Variants in ZNF536 observed in about 807,000 individuals in gnomAD.
The protein encoded by ZNF536 is zinc finger protein 536.
ZNF536 carries 13 observed loss-of-function variants against 84.5 expected under a neutral mutation model. The ratio of observed to expected loss-of-function variants is 0.15; its 90% CI spans 0.10 to 0.24. The LOEUF (loss-of-function observed/expected upper bound fraction) is 0.24, where lower values mean the gene tolerates loss of function less well. Among genes scored for constraint, ZNF536 ranks in the 10% least tolerant of loss-of-function variants. ZNF536 has a pLI of 1.00. For missense variants in ZNF536, 1,536 were observed against 1,747.5 expected, an observed-to-expected ratio of 0.88 and a Z score of 2.16; for synonymous variants, 811 against 742.5, an observed-to-expected ratio of 1.09 and a Z score of -1.50.
intron 1 of ZNF536, among the ~76,000 whole-genome samples, chr19:30,424,314 C>T (rs983160621): frequency 3.3e-5 from 5 of 152,154 alleles, no homozygotes; most frequent in African/African-American, 1.2e-4. Flanking sequence ...CTTTATAATG[C>T]TCACTGTGCA....
chr19:30,589,201 A>G (rs2047196619), intron 1 of ZNF536, among the ~76,000 whole-genome samples: 1 of 152,170 alleles, frequency 6.6e-6, no homozygotes, highest in Non-Finnish European at 1.5e-5. Flanking sequence ...CTGTATTTGC[A>G]TCTGCTCTTT....
chr19:30,418,302 G>A (rs2050817228), intron 1 of ZNF536, among the ~76,000 whole-genome samples: 1 of 152,118 alleles, frequency 6.6e-6, no homozygotes. Context: ...TCACTGTATA[G>A]TTTCTTCTCT....
At chr19:30,313,496 C>T (rs891301441) in intron 2 of ZNF536, among the ~76,000 whole-genome samples, 9 of 152,152 alleles carry the variant, frequency 5.9e-5, no homozygotes, top group Non-Finnish European at 7.4e-5. Context: ...CCACCCACTC[C>T]GCACTCTCCA....
intron 1 of ZNF536, among the ~76,000 whole-genome samples, chr19:30,585,261 G>C (rs1038047928): frequency 6.6e-6 from 1 of 152,162 alleles, no homozygotes; most frequent in African/African-American, 2.4e-5. Flanking sequence ...TCTGTACATG[G>C]ACACTTAAAG....
chr19:30,326,850 G>A (rs928192498), intron 2 of ZNF536, among the ~76,000 whole-genome samples: 1 of 114,584 alleles, frequency 8.7e-6, no homozygotes, highest in Non-Finnish European at 1.6e-5. Flanking sequence ...GCCCATGCCT[G>A]TAATCCCAGT....
chr19:30,426,792 G>T (rs1297513747), intron 1 of ZNF536, among the ~76,000 whole-genome samples: 1 of 152,162 alleles, frequency 6.6e-6, no homozygotes, highest in Non-Finnish European at 1.5e-5. Context: ...GGGCCCGGCA[G>T]GGGGAAGGTA....
intron 1 of ZNF536, among the ~76,000 whole-genome samples, chr19:30,383,307 C>CA (rs1351327005): frequency 5.7e-5 from 6 of 105,904 alleles, no homozygotes; most frequent in East Asian, 2.2e-4. Context: ...AAGAAACAAA[C>CA]AAACAAAAAA....
At chr19:30,441,738 T>C (rs2052059517) in intron 1 of ZNF536, among the ~76,000 whole-genome samples, 1 of 152,254 alleles carries the variant, frequency 6.6e-6, no homozygotes, top group African/African-American at 2.4e-5. Context: ...CTTTACGCTT[T>C]GCACAGTTGT....
intron 2 of ZNF536, among the ~76,000 whole-genome samples, chr19:30,453,362 T>G (rs1255199453): frequency 5.3e-5 from 8 of 152,226 alleles, no homozygotes; most frequent in African/African-American, 1.9e-4. Flanking sequence ...CGGTTCATCC[T>G]CGAGCCAGGT....
intron 1 of ZNF536, among the ~76,000 whole-genome samples, chr19:30,623,145 A>ATCCAT (rs1159258240): frequency 1.3e-5 from 2 of 150,054 alleles, no homozygotes; most frequent in African/African-American, 4.9e-5. Context: ...CCTACCCCAT[A>ATCCAT]TCCATTCCAA....
intron 2 of ZNF536, among the ~76,000 whole-genome samples, chr19:30,515,524 T>A (rs1599654686): frequency 1.3e-5 from 2 of 152,166 alleles, no homozygotes; most frequent in South Asian, 4.2e-4. Context: ...TCCCGTGCTG[T>A]TAGGACAGAG....
At chr19:30,500,353 A>G (rs897006780) in intron 2 of ZNF536, among the ~76,000 whole-genome samples, 1 of 147,310 alleles carries the variant, frequency 6.8e-6, no homozygotes, top group East Asian at 2.0e-4. Flanking sequence ...GCAAGATGCA[A>G]TGGATGGATT....
chr19:30,326,797 T>TTTTTG (rs2047044971), intron 2 of ZNF536, among the ~76,000 whole-genome samples: 1 of 119,938 alleles, frequency 8.3e-6, no homozygotes, highest in African/African-American at 3.6e-5. Flanking sequence ...AAAGCTTTTT[T>TTTTTG]TTTTTTTTTT....
At position 30,341,077 on chromosome 19, in the gene ZNF536, A is replaced by C. The variant is rs561946790; in HGVS notation, c.-119-11291A>C. On this transcript the variant is annotated intron_variant, in intron 2 of 5. Coordinates refer to the ZNF536 transcript ENST00000585628. ...AACTGGCACACAGCAGCCGTTCGGC[A>C]GTGGAAAAAATCATAAAACAGATGG... Among the ~76,000 whole-genome samples the C allele has an allele frequency of 9.2e-5, 14 of 151,844 alleles. No individual in the cohort carries two copies. In the East Asian group the frequency reaches 2.3e-3, roughly 25 times the overall value.
intron 1 of ZNF536, among the ~76,000 whole-genome samples, chr19:30,682,992 A>G (rs2051035996): frequency 6.6e-6 from 1 of 152,234 alleles, no homozygotes. Context: ...AAGCATGTTT[A>G]CGAGGCGCGC....
At chr19:30,331,206 C>T (rs571378899) in intron 2 of ZNF536, among the ~76,000 whole-genome samples, 49 of 141,966 alleles carry the variant, frequency 3.5e-4, no homozygotes, top group African/African-American at 1.3e-3. Context: ...ATTGCTTGAG[C>T]CCAGGAGTTT....
chr19:30,521,332 C>A (rs1321937316), intron 2 of ZNF536, among the ~76,000 whole-genome samples: 2 of 152,192 alleles, frequency 1.3e-5, no homozygotes, highest in Non-Finnish European at 2.9e-5. Context: ...GCTCCCCTTC[C>A]CTGAAAAGCA....
intron 1 of ZNF536, among the ~76,000 whole-genome samples, chr19:30,253,606 G>A (rs1217193100): frequency 6.6e-6 from 1 of 152,196 alleles, no homozygotes; most frequent in East Asian, 1.9e-4. Flanking sequence ...CTGGAGGCAG[G>A]AGACTGTGTC....
At chr19:30,243,221 T>A (rs1376445696) in intron 1 of ZNF536, among the ~76,000 whole-genome samples, 2 of 152,186 alleles carry the variant, frequency 1.3e-5, no homozygotes, top group Non-Finnish European at 2.9e-5. Context: ...TTTTTTCTAA[T>A]TTTATCTGTT....
Sources: allele counts gnomAD v4.1 joint callset (sites outside exome capture counted in the v4.1 genomes callset), GRCh38; gene constraint gnomAD v4.1.1; transcripts MANE v1.5; gene names NCBI Gene and HGNC (gene_info 2026-07-23, HGNC 2026-07-21).